ATP2A1: variants seen among roughly 807,000 people sequenced by gnomAD.
The protein encoded by ATP2A1 is sarcoplasmic/endoplasmic reticulum calcium ATPase 1.
In ATP2A1, 83 loss-of-function variants were observed where a neutral mutation model predicts 109.5. That is an observed-to-expected ratio of 0.76 (90% CI 0.63 to 0.91). The LOEUF is 0.91. ATP2A1 is among the 40% of genes least tolerant of loss of function. ATP2A1 has a pLI of 0.00. For missense variants in ATP2A1, 1,101 were observed against 1,341.0 expected (o/e 0.82, Z 2.80); for synonymous variants, 505 against 537.6 (o/e 0.94, Z 0.84).
intron 9 of ATP2A1, among the ~76,000 whole-genome samples, chr16:28,891,282 G>A (rs1963765651): frequency 6.6e-6 from 1 of 150,870 alleles, no homozygotes; most frequent in East Asian, 2.0e-4. Flanking sequence ...GGCGACAAAA[G>A]CAAAACTCCA....
intron 15 of ATP2A1, 111 bp downstream of exon 15, chr16:28,901,027 T>C: frequency 7.1e-7 from 1 of 1,405,616 alleles, no homozygotes; most frequent in Non-Finnish European, 9.9e-7. Context: ...GCAAGAAGGG[T>C]GGGGATTCAG....
At chr16:28,895,817 T>C in intron 12 of ATP2A1, among the ~76,000 whole-genome samples, 1 of 152,038 alleles carries the variant, frequency 6.6e-6, no homozygotes. Flanking sequence ...CAAGCAGTGA[T>C]TGCACCACTG....
At chr16:28,900,413 C>A (rs1964038419) in intron 14 of ATP2A1, among the ~76,000 whole-genome samples, 168 bp from the exon 15 acceptor site, 1 of 152,108 alleles carries the variant, frequency 6.6e-6, no homozygotes, top group African/African-American at 2.4e-5. Context: ...TCCAAGGCCC[C>A]ACTGAGGTCT....
Position 28,898,176 on chromosome 16 carries a change from C to A in ATP2A1, c.1545+51C>A. On this transcript the variant is annotated intron_variant, in intron 13 of 22. Transcript: ENST00000395503. The surrounding 1 kb of genome is among the most constrained non-coding windows in gnomAD (Gnocchi z 4.0). ...CCCCTCTTCTTCCTACTCCTAGCCA[C>A]CTGTCACTGCCCTGGAAGGAAAGTG... 1 of 1,614,220 alleles carries A rather than the reference C, an allele frequency of 6.2e-7. No individual in the cohort carries two copies. The highest frequency in any genetic ancestry group is 8.5e-7 in the Non-Finnish European group (1 of 1,180,028).
At chr16:28,892,308 CT>C in intron 9 of ATP2A1, 1 of 303,006 alleles carries the variant, frequency 3.3e-6, no homozygotes, top group Non-Finnish European at 6.8e-6. Context: ...TCTTGGGCTC[CT>C]TGCAGGGTCT....
rs1012831703 is a variant in ATP2A1 at position 28,878,495 on chromosome 16, T to G, written c.-177T>G. Reference sequence around the variant, plus strand: ...AGCTGGGGGCCGGGGGGTGGCCGGCTGCTCAAGTGGGACGGGGGTCAGAGC... The same window carrying G: ...AGCTGGGGGCCGGGGGGTGGCCGGCGGCTCAAGTGGGACGGGGGTCAGAGC... On this transcript the variant is annotated 5_prime_UTR_variant, in exon 1 of 23. Coordinates refer to ENST00000395503, the MANE Select transcript of ATP2A1 (RefSeq NM_004320.6). 7.6e-6 allele frequency: 5 copies of G among 660,036 alleles called. No individual in the cohort carries two copies. Among genetic ancestry groups the G allele is most frequent in the Admixed American group, 2.4e-5 (1 of 41,450 alleles). 40.9% of individuals were successfully genotyped at this position (660,036 alleles called of 1,614,324 possible). A position where few individuals can be genotyped will look rare whatever the true frequency, so the allele number is the denominator to read the frequency against.
rs562933275 is a variant in ATP2A1 at position 28,879,185 on chromosome 16, T to C, written c.136+69T>C. On this transcript the variant is annotated intron_variant, in intron 2 of 22. Transcript: ENST00000395503. ...CACCCCGCCCTGTCCCACTCCCTCCTCCCTGCCTCTTTAGATTCTTTGAGC... is the reference window on the plus strand; with the variant it reads ...CACCCCGCCCTGTCCCACTCCCTCCCCCCTGCCTCTTTAGATTCTTTGAGC... 75 of 1,377,816 alleles carry C rather than the reference T, an allele frequency of 5.4e-5. 2 individuals carry two copies. In the Middle Eastern group the frequency reaches 1.4e-3, roughly 26 times the overall value. The allele number at this position is 1,377,816 out of a possible 1,614,324, so 85.3% of individuals were successfully genotyped here. A position where few individuals can be genotyped will look rare whatever the true frequency, so the allele number is the denominator to read the frequency against.
intron 10 of ATP2A1, 42 bp from the exon 11 acceptor site, chr16:28,894,463 C>T (rs548795227): frequency 1.9e-6 from 3 of 1,580,496 alleles, no homozygotes; most frequent in South Asian, 2.2e-5. Flanking sequence ...CCCTGTTCTT[C>T]TCCACTGTCT....
Position 28,902,945 on chromosome 16 carries a change from C to T in ATP2A1, c.2744+34C>T. Reference sequence around the variant, plus strand: ...CCCCCAGCTACACCCACCACCCTCCCCTGAGGCCACTGCCCACATCCTCCA... The same window carrying T: ...CCCCCAGCTACACCCACCACCCTCCTCTGAGGCCACTGCCCACATCCTCCA... On this transcript the variant is annotated intron_variant, in intron 19 of 22. Transcript: ENST00000395503. The surrounding 1 kb of genome is among the most constrained non-coding windows in gnomAD (Gnocchi z 4.8). The T allele has an allele frequency of 6.2e-7, 1 of 1,613,722 alleles. No homozygotes were observed. The highest frequency in any genetic ancestry group is 8.5e-7 in the Non-Finnish European group (1 of 1,179,932).
chr16:28,886,147 C>T (rs1236547019), intron 6 of ATP2A1, among the ~76,000 whole-genome samples: 1 of 151,990 alleles, frequency 6.6e-6, no homozygotes, highest in Non-Finnish European at 1.5e-5. Context: ...CCAGCATGGA[C>T]AACAGAGCAA....
chr16:28,882,727 T>A, intron 5 of ATP2A1, 138 bp downstream of exon 5: 1 of 1,373,516 alleles, frequency 7.3e-7, no homozygotes, highest in Non-Finnish European at 9.9e-7. Flanking sequence ...CCTCAGAAGG[T>A]CATCCCAGGC....
chr16:28,887,622 T>G lies in ATP2A1; in HGVS notation c.828T>G (p.Ile276Met), dbSNP rs748188956. ...GTGTGGCTGTCTGGCTTATCAACATTGGCCACTTCAACGACCCCGTCCATG... is the reference window on the plus strand; with the variant it reads ...GTGTGGCTGTCTGGCTTATCAACATGGGCCACTTCAACGACCCCGTCCATG... ...LICVAVWLIN[I>M]GHFNDPVHGG... The change falls in exon 8 of 23, where the codon ATT becomes ATG. Residue 276 changes from isoleucine (I) to methionine (M), a missense_variant. Physicochemically the swap from Ile to Met is conservative, Grantham distance 10 (BLOSUM62 1). Coordinates refer to ENST00000395503, the MANE Select transcript of ATP2A1 (RefSeq NM_004320.6). 1.5e-5 allele frequency: 25 copies of G among 1,614,116 alleles called. No individual in the cohort carries two copies. Among genetic ancestry groups the G allele is most frequent in the Non-Finnish European group, 1.9e-5 (22 of 1,180,018 alleles).
rs111836584 is a variant in ATP2A1, at chr16:28,903,742, G to A, written c.*37+1G>A. ...CTCCATCTCTGAGCCCGTGTCACAG[G>A]TATCACCCCCTTCTTGCCCTCAGCC... On this transcript the variant is annotated splice_donor_variant, in intron 22 of 22. Transcript: ENST00000395503. LOFTEE classifies it low-confidence loss of function (3UTR_SPLICE). This position sits in a 1 kb window ranked among gnomAD's most constrained non-coding sequence, Gnocchi z 5.6. 1.2e-6 allele frequency: 2 copies of A among 1,613,446 alleles called. No homozygotes were observed. Among genetic ancestry groups the A allele is most frequent in the South Asian group, 1.1e-5 (1 of 91,070 alleles).
chr16:28,899,020 A>G (rs1343781081), intron 14 of ATP2A1, among the ~76,000 whole-genome samples: 1 of 152,010 alleles, frequency 6.6e-6, no homozygotes, highest in Non-Finnish European at 1.5e-5. Context: ...ACACACACAA[A>G]AGAGAGAAAG....
In ATP2A1 at chr16:28,888,861, A is replaced by G. The variant is rs758594992; in HGVS notation, c.1003A>G (p.Ser335Gly). The change falls in exon 9 of 23, where the codon AGC becomes GGC. Residue 335 changes from serine (S) to glycine (G), a missense_variant. Physicochemically the swap from Ser to Gly is moderately conservative, Grantham distance 56. Coordinates refer to ENST00000395503, the MANE Select transcript of ATP2A1 (RefSeq NM_004320.6). The stretch of plus-strand genomic sequence containing the variant: ...GGCAAAGAAGAATGCCATTGTAAGA[A>G]GCTTGCCCTCCGTAGAGACCCTGGG... The part of the protein sequence containing the change: ...RMAKKNAIVR[S>G]LPSVETLGCT... 3 of 1,614,104 alleles carry G rather than the reference A, an allele frequency of 1.9e-6. No homozygotes were observed. The highest frequency in any genetic ancestry group is 1.1e-5 in the South Asian group (1 of 91,076).
chr16:28,884,620 C>T lies in ATP2A1; in HGVS notation c.509C>T (p.Ser170Phe). The T allele has an allele frequency of 6.2e-7, 1 of 1,613,936 alleles. No individual in the cohort carries two copies. The highest frequency in any genetic ancestry group is 8.5e-7 in the Non-Finnish European group (1 of 1,180,016). Residue 170 changes from serine (S) to phenylalanine (F), a missense_variant, in exon 6 of 23, where the codon TCC (serine) becomes TTC (phenylalanine). Transcript: ENST00000395503. ...PADIRILAIK[S>F]TTLRVDQSIL... ...GACATCCGAATCCTCGCCATCAAAT[C>T]CACCACGCTGCGGGTTGACCAGTCC...
chr16:28,896,461 G>A (rs1963919860), intron 12 of ATP2A1, among the ~76,000 whole-genome samples: 1 of 151,912 alleles, frequency 6.6e-6, no homozygotes, highest in Admixed American at 6.6e-5. Flanking sequence ...TGCCCAGGCT[G>A]AAGTGCAGTG....
intron 14 of ATP2A1, 86 bp from the exon 15 acceptor site, chr16:28,900,495 A>AC: frequency 7.7e-6 from 9 of 1,175,136 alleles, no homozygotes; most frequent in Non-Finnish European, 7.9e-6. Context: ...CTGACCTTTC[A>AC]CCCCATCCCC....
intron 14 of ATP2A1, 25 bp from the exon 15 acceptor site, chr16:28,900,556 G>A: frequency 1.3e-6 from 2 of 1,535,982 alleles, no homozygotes; most frequent in African/African-American, 1.4e-5. Context: ...CACCTGACCT[G>A]TGGCTCTCTG....
Sources: gnomAD v4.1 joint callset for allele counts (sites outside exome capture counted in the v4.1 genomes callset) on GRCh38, gnomAD v4.1.1 for gene constraint, Gnocchi (gnomAD v3.1) non-coding constraint, MANE v1.5 for transcripts, NCBI Gene and HGNC (gene_info 2026-07-23, HGNC 2026-07-21) for gene names.